MACF1: variants seen among roughly 807,000 people sequenced by gnomAD.
MACF1 encodes the protein microtubule actin crosslinking factor 1.
Under a neutral mutation model 854.8 loss-of-function variants are expected in MACF1, and 193 were observed. That is an observed-to-expected ratio of 0.23 (90% CI 0.20 to 0.25). The LOEUF is 0.25. Among genes scored for constraint, MACF1 ranks in the 10% least tolerant of loss-of-function variants. The probability of loss-of-function intolerance (pLI) is 1.00; values close to 1 mark genes in which losing one functional copy is unlikely to be tolerated. For missense variants in MACF1, 7,722 were observed against 8,929.1 expected, an observed-to-expected ratio of 0.86 and a Z score of 5.45; for synonymous variants, 3,185 against 3,226.7, an observed-to-expected ratio of 0.99 and a Z score of 0.44.
intron 6 of MACF1, among the ~76,000 whole-genome samples, chr1:39,279,758 C>T (rs1194289075): frequency 6.6e-6 from 1 of 152,156 alleles, no homozygotes; most frequent in African/African-American, 2.4e-5. Flanking sequence ...GAAAATTGGG[C>T]CAGGAGGCTT....
At chr1:39,464,121 G>A (rs935021706) in intron 94 of MACF1, 1 of 169,710 alleles carries the variant, frequency 5.9e-6, no homozygotes, top group Admixed American at 5.6e-5. Context: ...TACAAATGGG[G>A]CCCAGGAGCA....
At chr1:39,423,432 G>A (rs550915900) in intron 60 of MACF1, among the ~76,000 whole-genome samples, 4 of 152,032 alleles carry the variant, frequency 2.6e-5, no homozygotes, top group East Asian at 1.9e-4. Flanking sequence ...TCAGGAGATC[G>A]AGACCATCCT....
Position 39,331,172 on chromosome 1 carries a change from CTTTTT to C in MACF1, c.4615-7_4615-3del, listed in dbSNP as rs71060310. 5.4e-4 allele frequency: 705 copies of C among 1,301,990 alleles called. No individual in the cohort carries two copies. In the African/African-American group the frequency reaches 7.4e-3, roughly 14 times the overall value. The allele number at this position is 1,301,990 out of a possible 1,614,324, so 80.7% of individuals were successfully genotyped here. The stretch of plus-strand genomic sequence containing the variant: ...TCAGTTTTCTTTTTCTTCTCTTTTC[CTTTTT>C]TTTTTTTTTTTTTTTTTTTTTTTAG... On this transcript the variant is annotated intron_variant, in intron 36 of 100. Transcript: ENST00000564288.
rs1427493720 is a variant in MACF1, at chr1:39,293,633, A to G, written c.2154+14A>G. 6.2e-7 allele frequency: 1 copy of G among 1,605,462 alleles called. No individual in the cohort carries two copies. Among genetic ancestry groups the G allele is most frequent in the African/African-American group, 1.3e-5 (1 of 74,720 alleles). ...AATTACTTCTCTGTGAGTCTAGCAC[A>G]GTAGCAGGCCTGTCATACTTATTTA... is the stretch of plus-strand genomic sequence containing the variant. On this transcript the variant is annotated intron_variant, in intron 18 of 100. Coordinates refer to ENST00000564288, the MANE Select transcript of MACF1 (RefSeq NM_001394062.1).
chr1:39,214,890 T>C (rs1015077190), intron 1 of MACF1, among the ~76,000 whole-genome samples: 2 of 152,196 alleles, frequency 1.3e-5, no homozygotes, highest in African/African-American at 2.4e-5. Context: ...GGATGCACTG[T>C]TCCTGACTTG....
intron 35 of MACF1, among the ~76,000 whole-genome samples, chr1:39,325,536 A>G (rs1306040562): frequency 6.6e-6 from 1 of 152,212 alleles, no homozygotes; most frequent in Non-Finnish European, 1.5e-5. Context: ...TGTTTTCTTA[A>G]AAGATACAAT....
chr1:39,244,821 C>T (rs2148327030), intron 2 of MACF1, among the ~76,000 whole-genome samples: 1 of 152,128 alleles, frequency 6.6e-6, no homozygotes, highest in South Asian at 2.1e-4. Flanking sequence ...TCAGGTGATC[C>T]ATCTGCCTCG....
chr1:39,450,351 A>C (rs1263168649), intron 84 of MACF1, among the ~76,000 whole-genome samples: 4 of 151,814 alleles, frequency 2.6e-5, no homozygotes, highest in Non-Finnish European at 5.9e-5. Context: ...ATGAAGAAAC[A>C]GCCTAGGGTC....
chr1:39,130,935 G>A (rs1002103464), intron 2 of MACF1, among the ~76,000 whole-genome samples: 7 of 150,394 alleles, frequency 4.7e-5, no homozygotes, highest in South Asian at 4.2e-4. Context: ...TCCGCCTCCC[G>A]GGTTCAAGCA....
chr1:39,416,606 A>G (rs1643322747), intron 58 of MACF1, among the ~76,000 whole-genome samples: 1 of 152,236 alleles, frequency 6.6e-6, no homozygotes, highest in African/African-American at 2.4e-5. Flanking sequence ...GGAAAAAGTC[A>G]TAGAAATCCT....
chr1:39,339,237 G>A (rs902614324), intron 38 of MACF1, among the ~76,000 whole-genome samples: 4 of 152,070 alleles, frequency 2.6e-5, no homozygotes, highest in Admixed American at 1.3e-4. Flanking sequence ...TCTGGGAGAC[G>A]GAGTGAGACC....
chr1:39,387,601 A>G lies in MACF1; in HGVS notation c.14759A>G (p.Glu4920Gly), dbSNP rs972650953. 6.2e-7 allele frequency: 1 copy of G among 1,614,210 alleles called. No homozygotes were observed. The highest frequency in any genetic ancestry group is 8.5e-7 in the Non-Finnish European group (1 of 1,180,042). The change falls in exon 58 of 101, where the codon GAA (glutamate) becomes GGA (glycine). Residue 4920 changes from glutamate (E) to glycine (G), a missense_variant. Glu to Gly is a moderately conservative substitution (Grantham distance 98). Around this residue, in one of 15 missense-constraint regions of MACF1, gnomAD observed 2,807 missense variants for 3,235.8 expected, o/e 0.87. Coordinates refer to ENST00000564288, the MANE Select transcript of MACF1 (RefSeq NM_001394062.1). ...WHVEDLVPWI[E>G]DCKAKMSELR... The stretch of plus-strand genomic sequence containing the variant: ...GTGGAAGACCTTGTGCCATGGATAG[A>G]AGATTGTAAAGCTAAGATGTCTGAG...
At chr1:39,323,042 G>A (rs771789018) in intron 33 of MACF1, 34 bp downstream of exon 33, 23 of 1,596,204 alleles carry the variant, frequency 1.4e-5, no homozygotes, top group Non-Finnish European at 2.0e-5. Flanking sequence ...CATCTTGAAA[G>A]TACAGTAAAA....
chr1:39,279,921 A>C (rs1016456610), intron 6 of MACF1, among the ~76,000 whole-genome samples: 1 of 152,226 alleles, frequency 6.6e-6, no homozygotes, highest in Non-Finnish European at 1.5e-5. Flanking sequence ...CGAAGTCTGA[A>C]AAAAAGAAGA....
Position 39,295,806 on chromosome 1 carries a change from A to G in MACF1, c.2279A>G (p.Gln760Arg). ...TTGCAGGCTTACAGTGCTGCTGTCC[A>G]GTCCCAGTTGCAGTGGATGAAGCAG... ...QTVEAYSAAV[Q>R]SQLQWMKQLC... The change falls in exon 20 of 101, where the codon CAG becomes CGG. Residue 760 changes from glutamine to arginine, a missense_variant. By Grantham distance (43) the Gln-to-Arg change is conservative (BLOSUM62 1). This residue lies in a region of MACF1 where 1,137 missense variants were observed against 1,263.0 expected (regional missense o/e 0.90). Transcript: ENST00000564288. 6.2e-7 allele frequency: 1 copy of G among 1,614,064 alleles called. No individual in the cohort carries two copies.
At chr1:39,213,823 T>C (rs1644545325) in intron 1 of MACF1, among the ~76,000 whole-genome samples, 1 of 152,220 alleles carries the variant, frequency 6.6e-6, no homozygotes, top group Non-Finnish European at 1.5e-5. Context: ...CTGAGTACAG[T>C]TGTCACAGGT....
chr1:39,412,613 C>A (rs764478188), intron 58 of MACF1: 3 of 1,613,962 alleles, frequency 1.9e-6, no homozygotes, highest in African/African-American at 1.3e-5. Flanking sequence ...GTGAATGATA[C>A]AAAGCCTGAG....
At chr1:39,443,241 TATA>T in intron 78 of MACF1, among the ~76,000 whole-genome samples, 1 of 152,324 alleles carries the variant, frequency 6.6e-6, no homozygotes, top group Non-Finnish European at 1.5e-5. Context: ...ATCAGGCATT[TATA>T]ATATGTTATA....
At chr1:39,342,112 CTTGTT>C (rs758748715) in intron 40 of MACF1, among the ~76,000 whole-genome samples, 2 of 146,588 alleles carry the variant, frequency 1.4e-5, no homozygotes, top group African/African-American at 5.1e-5. Context: ...TCCATGTGTT[CTTGTT>C]TGGCTTCCAC....
Sources: allele counts gnomAD v4.1 joint callset (sites outside exome capture counted in the v4.1 genomes callset), GRCh38; gene constraint gnomAD v4.1.1; regional missense constraint gnomAD v4.1.1; transcripts MANE v1.5; gene names NCBI Gene and HGNC (gene_info 2026-07-23, HGNC 2026-07-21).